ZNG1A: variants seen among roughly 807,000 people sequenced by gnomAD.
ZNG1A encodes Zn regulated GTPase metalloprotein activator 1A, also known as zinc-regulated GTPase metalloprotein activator 1A.
the ZNG1A span, among the ~76,000 whole-genome samples, chr9:127,557 G>A: frequency 2.6e-5 from 4 of 152,232 alleles, no homozygotes; most frequent in Non-Finnish European, 4.4e-5. Flanking sequence ...TTTACCTTAA[G>A]TTTATGTGAG....
At chr9:129,717 T>A in the ZNG1A span, among the ~76,000 whole-genome samples, 1 of 150,688 alleles carries the variant, frequency 6.6e-6, no homozygotes, top group East Asian at 1.9e-4. Flanking sequence ...TCATGCAAGA[T>A]GAAAAGGTCC....
chr9:147,100 C>T, the ZNG1A span: 6 of 150,206 alleles, frequency 4.0e-5, 1 homozygote. Flanking sequence ...ATCATTTGAA[C>T]CCAGGAAGTG....
chr9:160,666 A>G, the ZNG1A span, among the ~76,000 whole-genome samples: 1 of 151,510 alleles, frequency 6.6e-6, no homozygotes, highest in Admixed American at 6.6e-5. Flanking sequence ...AACTATACAT[A>G]TAAAATTATT....
chr9:141,368 G>C, the ZNG1A span, among the ~76,000 whole-genome samples: 3 of 148,680 alleles, frequency 2.0e-5, no homozygotes, highest in South Asian at 6.7e-4. Context: ...CAAGCCAGAA[G>C]AGAGTGGGGG....
At chr9:148,395 G>C in the ZNG1A span, 2 of 67,246 alleles carry the variant, frequency 3.0e-5, 1 homozygote. Flanking sequence ...TTTCAAAAAA[G>C]AGGAAAAGTG....
At chr9:127,546 C>T in the ZNG1A span, among the ~76,000 whole-genome samples, 1 of 152,236 alleles carries the variant, frequency 6.6e-6, no homozygotes, top group East Asian at 1.9e-4. Context: ...TGGTCCATCC[C>T]TTTACCTTAA....
chr9:144,767 A>G, the ZNG1A span, among the ~76,000 whole-genome samples: 6,842 of 150,546 alleles, frequency 0.045, 114 homozygotes, highest in African/African-American at 0.089. Flanking sequence ...GCAACCTACA[A>G]AATGGGAGAA....
chr9:142,909 C>A, the ZNG1A span, among the ~76,000 whole-genome samples: 12,731 of 71,702 alleles, frequency 0.18, 1,411 homozygotes, highest in African/African-American at 0.31. Context: ...GAGAATACTA[C>A]AAACACCTCT....
chr9:121,077 G>T, the ZNG1A span: 1 of 176,364 alleles, frequency 5.7e-6, no homozygotes, highest in South Asian at 1.1e-4. Flanking sequence ...GTCATAAAAT[G>T]GTGACACTTA....
chr9:163,131 T>A, the ZNG1A span, among the ~76,000 whole-genome samples: 4,687 of 152,026 alleles, frequency 0.031, 216 homozygotes, highest in African/African-American at 0.11. Context: ...TTCTTAAATT[T>A]CTTAATGATT....
the ZNG1A span, among the ~76,000 whole-genome samples, chr9:131,360 T>G: frequency 1.3e-5 from 2 of 149,712 alleles, no homozygotes; most frequent in African/African-American, 2.5e-5. Context: ...TGTTTCTTCT[T>G]TAACCCACTG....
chr9:164,317 T>G, the ZNG1A span: 2 of 312,606 alleles, frequency 6.4e-6, no homozygotes, highest in Non-Finnish European at 1.1e-5. Context: ...CTTCTACCGA[T>G]GCCATAATAA....
the ZNG1A span, chr9:161,521 C>T: frequency 3.4e-6 from 4 of 1,182,506 alleles, no homozygotes; most frequent in African/African-American, 6.4e-5. Context: ...GGATACAAAA[C>T]AGACACTAAT....
the ZNG1A span, chr9:151,452 A>G: frequency 8.3e-6 from 8 of 962,606 alleles, no homozygotes; most frequent in African/African-American, 2.1e-5. Flanking sequence ...AAAAAAAAAA[A>G]AAAAAAAAAA....
the ZNG1A span, among the ~76,000 whole-genome samples, chr9:176,853 C>A: frequency 6.7e-6 from 1 of 149,360 alleles, no homozygotes. Flanking sequence ...AAAAAAAAAA[C>A]ACTTTAAGAC....
chr9:177,329 T>C, the ZNG1A span, among the ~76,000 whole-genome samples: 1 of 151,956 alleles, frequency 6.6e-6, no homozygotes, highest in African/African-American at 2.4e-5. Flanking sequence ...ATGCAACGAA[T>C]AAATTAAAGG....
chr9:176,298 A>AC, the ZNG1A span, among the ~76,000 whole-genome samples: 1 of 142,208 alleles, frequency 7.0e-6, no homozygotes, highest in African/African-American at 2.7e-5. Flanking sequence ...TAGAAAAAAA[A>AC]TAGTCTTGTG....
the ZNG1A span, chr9:148,744 G>A: frequency 6.7e-6 from 1 of 148,440 alleles, no homozygotes; most frequent in Non-Finnish European, 1.5e-5. Context: ...TAAAAGAGAG[G>A]CTTTCAATTT....
the ZNG1A span, among the ~76,000 whole-genome samples, chr9:169,794 G>T: frequency 6.9e-6 from 1 of 144,876 alleles, no homozygotes; most frequent in East Asian, 2.0e-4. Context: ...ATTAAGGTAT[G>T]TATGTTTTTT....
Sources: allele counts gnomAD v4.1 joint callset (sites outside exome capture counted in the v4.1 genomes callset), GRCh38; gene constraint gnomAD v4.1.1; transcripts MANE v1.5; gene names NCBI Gene and HGNC (gene_info 2026-07-23, HGNC 2026-07-21).